ADAMTSL1: variants seen among roughly 807,000 people sequenced by gnomAD.
The protein encoded by ADAMTSL1 is ADAMTS-like protein 1.
ADAMTSL1 carries 126 observed loss-of-function variants against 201.8 expected under a neutral mutation model. That is an observed-to-expected ratio of 0.62 (90% CI 0.54 to 0.72). ADAMTSL1 has a LOEUF of 0.72. Ranked by LOEUF, ADAMTSL1 falls within the 30% of genes least tolerant of loss-of-function variation. The probability of loss-of-function intolerance (pLI) is 0.00; values close to 1 mark genes in which losing one functional copy is unlikely to be tolerated. For synonymous variants in ADAMTSL1, 1,121 were observed against 903.4 expected (o/e 1.24, Z -4.32); for missense variants, 2,679 against 2,277.8 (o/e 1.18, Z -3.59).
At chr9:18,724,929 CA>C (rs1445777351) in intron 15 of ADAMTSL1, among the ~76,000 whole-genome samples, 1 of 149,122 alleles carries the variant, frequency 6.7e-6, no homozygotes, top group Non-Finnish European at 1.5e-5. Context: ...TCTTTTGAGA[CA>C]GAGTCTCGCT....
chr9:17,990,781 G>A (rs1372125316), intron 1 of ADAMTSL1, among the ~76,000 whole-genome samples: 1 of 151,846 alleles, frequency 6.6e-6, no homozygotes, highest in Non-Finnish European at 1.5e-5. Flanking sequence ...GAAATTACAT[G>A]TTACCCAGTG....
At chr9:18,408,189 C>T (rs542181636) in intron 2 of ADAMTSL1, among the ~76,000 whole-genome samples, 4 of 152,104 alleles carry the variant, frequency 2.6e-5, no homozygotes, top group African/African-American at 7.2e-5. Flanking sequence ...ATATTAAGGG[C>T]CAGGCGCTGT....
At chr9:18,216,553 G>C (rs1200489613) in intron 2 of ADAMTSL1, among the ~76,000 whole-genome samples, 1 of 151,998 alleles carries the variant, frequency 6.6e-6, no homozygotes, top group Non-Finnish European at 1.5e-5. Context: ...CCCTCTGACA[G>C]GTAAGGCCCT....
At chr9:18,523,609 A>G (rs367646399) in intron 2 of ADAMTSL1, among the ~76,000 whole-genome samples, 7 of 151,232 alleles carry the variant, frequency 4.6e-5, no homozygotes, top group South Asian at 2.1e-4. Context: ...ATCTTGAATT[A>G]ATTTTTGTAT....
chr9:18,676,228 C>G (rs1830121351), intron 10 of ADAMTSL1, among the ~76,000 whole-genome samples: 2 of 152,002 alleles, frequency 1.3e-5, no homozygotes, highest in South Asian at 2.1e-4. Context: ...TATTTTTCCT[C>G]TCAATAGGAC....
At chr9:18,223,832 ATT>A (rs1205461489) in intron 2 of ADAMTSL1, among the ~76,000 whole-genome samples, 1 of 151,698 alleles carries the variant, frequency 6.6e-6, no homozygotes, top group Non-Finnish European at 1.5e-5. Context: ...TTGTGAATAC[ATT>A]TTCTTTTGAA....
At chr9:18,110,065 C>T (rs1824937432) in intron 1 of ADAMTSL1, among the ~76,000 whole-genome samples, 3 of 152,048 alleles carry the variant, frequency 2.0e-5, no homozygotes, top group Non-Finnish European at 4.4e-5. Context: ...GACAAAGGGC[C>T]CTAGCTTCTA....
chr9:18,857,752 A>G (rs1208484530), intron 23 of ADAMTSL1, among the ~76,000 whole-genome samples: 1 of 152,322 alleles, frequency 6.6e-6, no homozygotes, highest in East Asian at 1.9e-4. Context: ...ACTTACCTGC[A>G]TGAACTTGTG....
At chr9:18,059,429 C>G (rs1213458108) in intron 1 of ADAMTSL1, among the ~76,000 whole-genome samples, 4 of 152,042 alleles carry the variant, frequency 2.6e-5, no homozygotes, top group Non-Finnish European at 5.9e-5. Flanking sequence ...ATTTTTGCTT[C>G]TTAATGTGGT....
At chr9:18,147,621 A>C (rs1349010434) in intron 1 of ADAMTSL1, among the ~76,000 whole-genome samples, 2 of 152,148 alleles carry the variant, frequency 1.3e-5, no homozygotes, top group Admixed American at 1.3e-4. Context: ...GCCATCAACT[A>C]AGCAGAATAG....
intron 1 of ADAMTSL1, among the ~76,000 whole-genome samples, chr9:18,045,720 T>C (rs1038625366): frequency 5.9e-5 from 9 of 151,938 alleles, no homozygotes; most frequent in South Asian, 4.1e-4. Flanking sequence ...TCAGGCTATC[T>C]GGCTTGAAAA....
At chr9:18,245,748 A>T (rs1831238544) in intron 2 of ADAMTSL1, among the ~76,000 whole-genome samples, 1 of 151,946 alleles carries the variant, frequency 6.6e-6, no homozygotes. Context: ...AAGCAAAGGA[A>T]TCTGGTCTAA....
chr9:17,907,914 C>G (rs1333862481), intron 1 of ADAMTSL1, among the ~76,000 whole-genome samples: 1 of 152,196 alleles, frequency 6.6e-6, no homozygotes, highest in Non-Finnish European at 1.5e-5. Flanking sequence ...TACCCAAATA[C>G]TCTTGGCCGG....
intron 19 of ADAMTSL1, among the ~76,000 whole-genome samples, chr9:18,791,172 A>C (rs1822016436): frequency 6.6e-6 from 1 of 152,214 alleles, no homozygotes. Context: ...TCGCCAGGCT[A>C]GGTAAACTGA....
chr9:18,424,553 A>G (rs1286358484), intron 2 of ADAMTSL1, among the ~76,000 whole-genome samples: 3 of 152,230 alleles, frequency 2.0e-5, no homozygotes, highest in Non-Finnish European at 2.9e-5. Context: ...ATCTCATTTG[A>G]TAACATAAAC....
At chr9:18,112,705 G>T (rs1001656796) in intron 1 of ADAMTSL1, among the ~76,000 whole-genome samples, 1 of 152,084 alleles carries the variant, frequency 6.6e-6, no homozygotes, top group Non-Finnish European at 1.5e-5. Flanking sequence ...ATACACAGCA[G>T]TTATTTCATT....
intron 21 of ADAMTSL1, among the ~76,000 whole-genome samples, chr9:18,822,265 C>A (rs553421044): frequency 8.5e-5 from 13 of 152,218 alleles, no homozygotes; most frequent in African/African-American, 3.1e-4. Context: ...TAGAAAAGAT[C>A]ATCTCCCGCA....
chr9:17,947,643 G>C (rs1478185412), intron 1 of ADAMTSL1, among the ~76,000 whole-genome samples: 1 of 152,126 alleles, frequency 6.6e-6, no homozygotes, highest in Admixed American at 6.6e-5. Context: ...CTAGTCTAGA[G>C]AGTGAATGAG....
intron 1 of ADAMTSL1, among the ~76,000 whole-genome samples, chr9:18,054,333 T>C (rs1822074368): frequency 6.6e-6 from 1 of 152,178 alleles, no homozygotes; most frequent in Non-Finnish European, 1.5e-5. Flanking sequence ...TTTCTAAGAG[T>C]TTATTGCAAA....
Sources: allele counts gnomAD v4.1 joint callset (sites outside exome capture counted in the v4.1 genomes callset), GRCh38; gene constraint gnomAD v4.1.1; transcripts MANE v1.5; gene names NCBI Gene and HGNC (gene_info 2026-07-23, HGNC 2026-07-21).